ZDHHC24: variants seen among roughly 807,000 people sequenced by gnomAD.
ZDHHC24 encodes the protein probable palmitoyltransferase ZDHHC24.
ZDHHC24 carries 17 observed loss-of-function variants against 23.2 expected under a neutral mutation model. The observed-to-expected ratio is 0.73, with a 90% CI of 0.50 to 1.10. The LOEUF (loss-of-function observed/expected upper bound fraction) is 1.10, where lower values mean the gene tolerates loss of function less well. Among genes scored for constraint, ZDHHC24 ranks in the 50% least tolerant of loss-of-function variants. The probability of loss-of-function intolerance (pLI) is 0.00; values close to 1 mark genes in which losing one functional copy is unlikely to be tolerated. For synonymous variants in ZDHHC24, 186 were observed against 194.5 expected (o/e 0.96, Z 0.36); for missense variants, 366 against 393.0 (o/e 0.93, Z 0.58).
chr11:66,532,294 A>G (rs1856819905), downstream of ZDHHC24: 1 of 543,370 alleles, frequency 1.8e-6, no homozygotes, highest in African/African-American at 1.9e-5. Flanking sequence ...TCCCCTCCCC[A>G]GCCTTTTCCA....
At chr11:66,523,594 C>T in intron 4 of ZDHHC24, 1 of 1,613,980 alleles carries the variant, frequency 6.2e-7, no homozygotes, top group South Asian at 1.1e-5. Flanking sequence ...CCCCAGCAAG[C>T]AGCAGCCCCT....
chr11:66,544,039 C>A (rs1857238302), intron 1 of ZDHHC24, 58 bp from the exon 2 acceptor site: 22 of 1,586,174 alleles, frequency 1.4e-5, no homozygotes, highest in Non-Finnish European at 1.8e-5. Flanking sequence ...CCATATTGTG[C>A]ACAGGGCTGC....
At chr11:66,544,623 G>A (rs1257900980) in intron 1 of ZDHHC24, among the ~76,000 whole-genome samples, 1 of 151,908 alleles carries the variant, frequency 6.6e-6, no homozygotes, top group Non-Finnish European at 1.5e-5. Flanking sequence ...ATGGCTAACC[G>A]CCCCCCACGC....
intron 1 of ZDHHC24, 85 bp from the exon 2 acceptor site, chr11:66,544,066 C>T (rs1857239075): frequency 1.5e-5 from 23 of 1,535,552 alleles, no homozygotes; most frequent in Non-Finnish European, 1.9e-5. Context: ...GCCCATCCTG[C>T]GGAAGTGGCA....
chr11:66,543,897 G>A lies in ZDHHC24; in HGVS notation c.366C>T (p.His122=). ...CGCAGCGGCCCAGCAGGCGGCAGTG[G>A]TGGTCCCGACGCAGGATGCAGACGC... ...ACRVCILRRD[H]HCRLLGRCVG... is the part of the protein sequence containing the mutation. Residue 122 remains histidine, a synonymous_variant, in exon 2 of 3, where the codon CAC becomes CAT. Coordinates refer to ENST00000310442, the MANE Select transcript of ZDHHC24 (RefSeq NM_207340.3). 1.2e-6 allele frequency: 2 copies of A among 1,614,024 alleles called. No homozygotes were observed. The highest frequency in any genetic ancestry group is 8.5e-7 in the Non-Finnish European group (1 of 1,179,948).
intron 2 of ZDHHC24, chr11:66,529,999 C>G: frequency 1.9e-6 from 3 of 1,563,722 alleles, no homozygotes; most frequent in Non-Finnish European, 2.6e-6. Context: ...GGGCAGAGGC[C>G]AGGATGCGCA....
In ZDHHC24 at chr11:66,536,454, G is replaced by A. The variant is rs1320682245; in HGVS notation, c.*3075C>T. 1.3e-5 allele frequency: 2 copies of A among 153,876 alleles called. No individual in the cohort carries two copies. The highest frequency in any genetic ancestry group is 3.8e-4 in the East Asian group (2 of 5,200). The allele number at this position is 153,876 out of a possible 1,614,324, so 9.5% of individuals were successfully genotyped here. On this transcript the variant is annotated 3_prime_UTR_variant, in exon 3 of 3. Transcript: ENST00000310442. ...GCCTGCAATCCCAGTTACTTGGGAG[G>A]CTAAGGCAGGAGAATCGCTTGAACC...
intron 2 of ZDHHC24, chr11:66,542,969 G>A (rs1857194981): frequency 6.6e-6 from 1 of 152,468 alleles, no homozygotes; most frequent in Non-Finnish European, 1.5e-5. Flanking sequence ...GATAGGATGA[G>A]GAGGCACAGT....
At chr11:66,544,752 T>C (rs901416608) in intron 1 of ZDHHC24, among the ~76,000 whole-genome samples, 4 of 152,214 alleles carry the variant, frequency 2.6e-5, no homozygotes, top group African/African-American at 9.6e-5. Flanking sequence ...TCTCGCTACA[T>C]TACCCAGGCT....
intron 2 of ZDHHC24, chr11:66,530,038 C>T: frequency 6.5e-7 from 1 of 1,529,122 alleles, no homozygotes; most frequent in East Asian, 2.4e-5. Flanking sequence ...AGCTAAGCCC[C>T]AGAGCCAATT....
chr11:66,534,397 C>T (rs912145393), downstream of ZDHHC24, among the ~76,000 whole-genome samples: 6 of 138,592 alleles, frequency 4.3e-5, no homozygotes, highest in East Asian at 2.2e-4. Context: ...GAGCCAAGAT[C>T]GCGCCACTAC....
At chr11:66,527,668 C>CAAAAAAAAAAAAAAAAA (rs58165767) in intron 3 of ZDHHC24, 1 of 57,968 alleles carries the variant, frequency 1.7e-5, no homozygotes, top group Non-Finnish European at 3.2e-5. Context: ...GACTCCGTCT[C>CAAAAAAAAAAAAAAAAA]AAAAAAAAAA....
chr11:66,543,843 C>T lies in ZDHHC24; in HGVS notation c.420G>A (p.Leu140=). The T allele has an allele frequency of 1.9e-6, 3 of 1,613,830 alleles. No individual in the cohort carries two copies. The highest frequency in any genetic ancestry group is 1.7e-4 in the Middle Eastern group (1 of 6,052). Residue 140 remains leucine (L), a synonymous_variant, in exon 2 of 3, where the codon CTG becomes CTA. Transcript: ENST00000310442. ...CVGFGNYRPF[L]CLLLHAAGVL... ...CGCCGGCGGCATGAAGCAGCAGGCA[C>T]AGGAAGGGCCGGTAGTTGCCGAAGC...
intron 2 of ZDHHC24, among the ~76,000 whole-genome samples, chr11:66,530,342 G>A (rs1309371844): frequency 6.6e-6 from 1 of 152,174 alleles, no homozygotes; most frequent in Non-Finnish European, 1.5e-5. Flanking sequence ...GTACAGGGAA[G>A]GGGCCATCCC....
At position 66,539,542 on chromosome 11, in the gene ZDHHC24, T is replaced by A. The variant is rs1857083642; in HGVS notation, c.842A>T (p.His281Leu). The A allele has an allele frequency of 3.2e-6, 5 of 1,572,396 alleles. No homozygotes were observed. In the South Asian group the frequency reaches 5.9e-5, roughly 18 times the overall value. Residue 281 changes from histidine to leucine, a missense_variant, in exon 3 of 3, where the codon CAC (histidine) becomes CTC (leucine). Transcript: ENST00000310442. ...CTCTTCCTGGAGTCAGGAGGCTGTG[T>A]GTCCCACATCTGCTGTGGTCTGGAA... is the stretch of plus-strand genomic sequence containing the variant. ...ITFQTTADVG[H>L]TAS is the part of the protein sequence containing the mutation.
downstream of ZDHHC24, chr11:66,531,006 C>T (rs1565290599): frequency 1.9e-6 from 3 of 1,614,228 alleles, no homozygotes; most frequent in Non-Finnish European, 2.5e-6. Flanking sequence ...GCGCTCTATT[C>T]CCTGCCCCGG....
downstream of ZDHHC24, chr11:66,530,978 T>G (rs142627946): frequency 2.5e-6 from 4 of 1,614,134 alleles, no homozygotes; most frequent in Non-Finnish European, 3.4e-6. Context: ...GCTGCTGGTC[T>G]GCTTCCTGTA....
At position 66,543,998 on chromosome 11, in the gene ZDHHC24, C is replaced by G; in HGVS notation, c.282-17G>C. Reference sequence around the variant, plus strand: ...TAGCAGTAACTGCAGGAAGGAACCACAGCGTCAGTTCCCCCAGCAGCTCAG... The same window carrying G: ...TAGCAGTAACTGCAGGAAGGAACCAGAGCGTCAGTTCCCCCAGCAGCTCAG... On this transcript the variant is annotated splice_polypyrimidine_tract_variant and intron_variant, in intron 1 of 2. Transcript: ENST00000310442. The G allele has an allele frequency of 1.2e-6, 2 of 1,610,514 alleles. No individual in the cohort carries two copies. Among genetic ancestry groups the G allele is most frequent in the East Asian group, 2.2e-5 (1 of 44,804 alleles).
chr11:66,531,976 G>A (rs1856803848), downstream of ZDHHC24: 2 of 1,604,112 alleles, frequency 1.2e-6, no homozygotes, highest in African/African-American at 1.3e-5. Context: ...GAAGGCCAAA[G>A]TGCACCCCTG....
Sources: allele counts gnomAD v4.1 joint callset (sites outside exome capture counted in the v4.1 genomes callset), GRCh38; gene constraint gnomAD v4.1.1; transcripts MANE v1.5; gene names NCBI Gene and HGNC (gene_info 2026-07-23, HGNC 2026-07-21).